BICD1: variants seen among roughly 807,000 people sequenced by gnomAD.
BICD1 encodes the protein BICD cargo adaptor 1.
In BICD1, 35 loss-of-function variants were observed where a neutral mutation model predicts 92.5. That is an observed-to-expected ratio of 0.38 (90% CI 0.29 to 0.50). BICD1 has a LOEUF of 0.50. Among genes scored for constraint, BICD1 ranks in the 20% least tolerant of loss-of-function variants. The pLI is 0.93. For missense variants in BICD1, 950 were observed against 1,189.8 expected (o/e 0.80, Z 2.97); for synonymous variants, 429 against 465.1 (o/e 0.92, Z 1.00).
intron 4 of BICD1, among the ~76,000 whole-genome samples, chr12:32,322,720 C>A (rs928542082): frequency 6.6e-6 from 1 of 152,152 alleles, no homozygotes; most frequent in Non-Finnish European, 1.5e-5. Flanking sequence ...GTAGACTTAC[C>A]TTTTTAGGCT....
At chr12:32,229,549 G>A (rs755858094) in intron 2 of BICD1, among the ~76,000 whole-genome samples, 39 of 152,176 alleles carry the variant, frequency 2.6e-4, no homozygotes, top group African/African-American at 5.1e-4. Context: ...CAAACAAGAC[G>A]AGGACATATA....
At chr12:32,180,057 G>A (rs1230140991) in intron 1 of BICD1, among the ~76,000 whole-genome samples, 2 of 151,012 alleles carry the variant, frequency 1.3e-5, no homozygotes, top group Non-Finnish European at 2.9e-5. Context: ...CCTCGCAGTA[G>A]GTAAAGAAGC....
At chr12:32,231,574 T>C (rs1224841275) in intron 2 of BICD1, among the ~76,000 whole-genome samples, 2 of 150,150 alleles carry the variant, frequency 1.3e-5, no homozygotes, top group African/African-American at 4.9e-5. Flanking sequence ...TTTATTTATT[T>C]ATTTATTTAT....
intron 3 of BICD1, among the ~76,000 whole-genome samples, chr12:32,298,956 G>A (rs562382723): frequency 1.3e-5 from 2 of 151,556 alleles, no homozygotes; most frequent in Non-Finnish European, 2.9e-5. Context: ...TCATTTAACC[G>A]GTATTTCAGG....
At chr12:32,288,883 G>A (rs946366701) in intron 2 of BICD1, among the ~76,000 whole-genome samples, 6 of 151,734 alleles carry the variant, frequency 4.0e-5, no homozygotes, top group Admixed American at 6.6e-5. Context: ...AAAAATTATA[G>A]TAATTTTAAC....
intron 1 of BICD1, among the ~76,000 whole-genome samples, chr12:32,142,453 C>CCTTCCTATCTATCTAT (rs1942964512): frequency 8.9e-6 from 1 of 112,882 alleles, no homozygotes; most frequent in Non-Finnish European, 1.7e-5. Flanking sequence ...ACCTATCTAT[C>CCTTCCTATCTATCTAT]CTATCTATCT....
chr12:32,186,351 T>C (rs1944423324), intron 1 of BICD1, among the ~76,000 whole-genome samples: 1 of 152,206 alleles, frequency 6.6e-6, no homozygotes. Context: ...GATTTTTGAA[T>C]TTTGCTTTAA....
At chr12:32,171,268 C>G (rs1176787789) in intron 1 of BICD1, among the ~76,000 whole-genome samples, 1 of 152,262 alleles carries the variant, frequency 6.6e-6, no homozygotes, top group African/African-American at 2.4e-5. Context: ...ATGCCCTTTT[C>G]CCTCTGCCAG....
At chr12:32,192,737 C>T (rs572221456) in intron 1 of BICD1, among the ~76,000 whole-genome samples, 16 of 152,192 alleles carry the variant, frequency 1.1e-4, no homozygotes, top group East Asian at 3.9e-4. Flanking sequence ...ATGTAGGGGC[C>T]GCAGCAAGTC....
rs1941592753 is a variant in BICD1 at position 32,108,946 on chromosome 12, T to C, written c.213+1402T>C. Reference sequence around the variant, plus strand: ...TGTTTAAATGCAGTGATGCTAAACCTTGTGAAGTGAGGAAGCAGGATGATG... The same window carrying C: ...TGTTTAAATGCAGTGATGCTAAACCCTGTGAAGTGAGGAAGCAGGATGATG... On this transcript the variant is annotated intron_variant, in intron 1 of 9. Transcript: ENST00000652176. The C allele has an allele frequency of 8.1e-6, 3 of 369,272 alleles. No homozygotes were observed. In the South Asian group the frequency reaches 1.5e-4, roughly 19 times the overall value. The allele number at this position is 369,272 out of a possible 1,614,324, so 22.9% of individuals were successfully genotyped here.
intron 8 of BICD1, 181 bp from the exon 9 acceptor site, chr12:32,367,489 A>T (rs1939567785): frequency 1.9e-6 from 1 of 520,580 alleles, no homozygotes; most frequent in Non-Finnish European, 3.4e-6. Context: ...TAAGAAAAAA[A>T]AAAAAGCCTG....
At chr12:32,179,313 A>C (rs942833511) in intron 1 of BICD1, among the ~76,000 whole-genome samples, 2 of 152,040 alleles carry the variant, frequency 1.3e-5, no homozygotes, top group African/African-American at 2.4e-5. Context: ...TCCACCAGAA[A>C]TAATTCCAAG....
At chr12:32,215,575 A>AT (rs1037489067) in intron 1 of BICD1, among the ~76,000 whole-genome samples, 3 of 152,072 alleles carry the variant, frequency 2.0e-5, no homozygotes, top group African/African-American at 4.8e-5. Flanking sequence ...TATTTGTGAG[A>AT]TTTTTTAAAA....
intron 8 of BICD1, among the ~76,000 whole-genome samples, chr12:32,357,673 C>T (rs541280915): frequency 3.3e-5 from 5 of 152,218 alleles, no homozygotes; most frequent in South Asian, 2.1e-4. Flanking sequence ...CTGAGGTCTC[C>T]GTCCTTGGAT....
At chr12:32,221,170 C>A (rs894661352) in intron 2 of BICD1, among the ~76,000 whole-genome samples, 1 of 150,902 alleles carries the variant, frequency 6.6e-6, no homozygotes. Context: ...GTGCAGCACA[C>A]CAGCATGGCA....
intron 8 of BICD1, chr12:32,367,440 G>T (rs1241082136): frequency 7.4e-6 from 3 of 406,292 alleles, no homozygotes; most frequent in Non-Finnish European, 1.3e-5. Flanking sequence ...GAGAAATCTC[G>T]CTACTAATGC....
chr12:32,284,976 GTCTTC>G (rs1947524812), intron 2 of BICD1, among the ~76,000 whole-genome samples: 1 of 152,152 alleles, frequency 6.6e-6, no homozygotes, highest in Admixed American at 6.5e-5. Flanking sequence ...TTCTGTTTCT[GTCTTC>G]TCTTTTCTTT....
At chr12:32,250,224 G>A (rs1946491866) in intron 2 of BICD1, among the ~76,000 whole-genome samples, 2 of 152,240 alleles carry the variant, frequency 1.3e-5, no homozygotes, top group African/African-American at 4.8e-5. Flanking sequence ...CACTGTTTCC[G>A]TTCCAGTCTG....
chr12:32,222,082 A>T, intron 2 of BICD1, among the ~76,000 whole-genome samples: 1 of 152,236 alleles, frequency 6.6e-6, no homozygotes, highest in East Asian at 1.9e-4. Context: ...AATACTACTT[A>T]ATTCTCCCAA....
Sources: allele counts gnomAD v4.1 joint callset (sites outside exome capture counted in the v4.1 genomes callset), GRCh38; gene constraint gnomAD v4.1.1; transcripts MANE v1.5; gene names NCBI Gene and HGNC (gene_info 2026-07-23, HGNC 2026-07-21).